LRRTM1: variants seen among roughly 807,000 people sequenced by gnomAD.
LRRTM1 encodes leucine-rich repeat transmembrane neuronal protein 1.
LRRTM1 carries 8 observed loss-of-function variants against 37.3 expected under a neutral mutation model. The ratio of observed to expected loss-of-function variants is 0.21; its 90% CI spans 0.13 to 0.39. The LOEUF (loss-of-function observed/expected upper bound fraction) is 0.39, where lower values mean the gene tolerates loss of function less well. LRRTM1 is among the 10% of genes least tolerant of loss of function. The probability of loss-of-function intolerance (pLI) is 1.00; values close to 1 mark genes in which losing one functional copy is unlikely to be tolerated. For missense variants in LRRTM1, 557 were observed against 691.0 expected (o/e 0.81, Z 2.17); for synonymous variants, 326 against 316.8 (o/e 1.03, Z -0.31).
chr2:80,300,279 GGGGTGTGT>G (rs1464958772), downstream of LRRTM1, among the ~76,000 whole-genome samples: 8,054 of 127,976 alleles, frequency 0.063, 315 homozygotes, highest in Middle Eastern at 0.16. Context: ...CTGGGGTGTT[GGGGTGTGT>G]GTGTGTGTGT....
At chr2:80,293,953 T>G (rs1036104639) in intron 2 of LRRTM1, among the ~76,000 whole-genome samples, 1 of 152,166 alleles carries the variant, frequency 6.6e-6, no homozygotes. Context: ...TGTCAAACTT[T>G]GTAACTGCAG....
chr2:80,297,745 A>G (rs1222886840), downstream of LRRTM1, among the ~76,000 whole-genome samples: 1 of 151,830 alleles, frequency 6.6e-6, no homozygotes, highest in Non-Finnish European at 1.5e-5. Context: ...AGCAGGTTAC[A>G]CTCTGCTGTG....
At chr2:80,289,101 C>T (rs548770431) in exon 3 of LRRTM1, 1 of 152,280 alleles carries the variant, frequency 6.6e-6, no homozygotes, top group East Asian at 1.9e-4. Context: ...TTCCAGAAGT[C>T]TCCATTTCAG....
At chr2:80,289,684 C>T (rs1246215643) in intron 2 of LRRTM1, among the ~76,000 whole-genome samples, 1 of 152,140 alleles carries the variant, frequency 6.6e-6, no homozygotes, top group Non-Finnish European at 1.5e-5. Context: ...AAGGCAGCCA[C>T]TGATATGACC....
At chr2:80,292,694 C>T (rs1258632289) in intron 2 of LRRTM1, among the ~76,000 whole-genome samples, 1 of 152,158 alleles carries the variant, frequency 6.6e-6, no homozygotes, top group African/African-American at 2.4e-5. Context: ...GAATGCCTCA[C>T]CTTCGCAGGT....
Position 80,301,997 on chromosome 2 carries a change from G to A in LRRTM1, c.*254C>T, listed in dbSNP as rs1433754120. 1 of 418,048 alleles carries A rather than the reference G, an allele frequency of 2.4e-6. No homozygotes were observed. The highest frequency in any genetic ancestry group is 4.2e-6 in the Non-Finnish European group (1 of 237,622). The allele number at this position is 418,048 out of a possible 1,614,324, so 25.9% of individuals were successfully genotyped here. On this transcript the variant is annotated 3_prime_UTR_variant, in exon 2 of 2. Coordinates refer to ENST00000295057, the MANE Select transcript of LRRTM1 (RefSeq NM_178839.5). ...ATGGACAGATCTTCAAAGGGAGGAA[G>A]GAGTTCTCATATGAAATTTAAGATA...
At chr2:80,289,348 T>C (rs1179314812) in intron 2 of LRRTM1, among the ~76,000 whole-genome samples, 1 of 152,218 alleles carries the variant, frequency 6.6e-6, no homozygotes, top group Non-Finnish European at 1.5e-5. Context: ...CTATTCTTCA[T>C]CCTGTTTACT....
intron 2 of LRRTM1, among the ~76,000 whole-genome samples, chr2:80,292,520 C>T (rs1675354977): frequency 6.6e-6 from 1 of 152,086 alleles, no homozygotes; most frequent in Admixed American, 6.5e-5. Flanking sequence ...ATGAGAAAAT[C>T]TTAAGGATTT....
At chr2:80,290,093 C>G (rs1675107219) in intron 2 of LRRTM1, among the ~76,000 whole-genome samples, 1 of 152,140 alleles carries the variant, frequency 6.6e-6, no homozygotes. Context: ...TTGATCCTTA[C>G]CAGATCCTTG....
intron 2 of LRRTM1, among the ~76,000 whole-genome samples, chr2:80,295,976 G>A (rs1210580716): frequency 6.6e-6 from 1 of 152,072 alleles, no homozygotes; most frequent in Non-Finnish European, 1.5e-5. Flanking sequence ...TGTTTCTAAG[G>A]ACTGAGATCA....
Position 80,303,327 on chromosome 2 carries a change from T to A in LRRTM1, c.493A>T (p.Thr165Ser). Residue 165 changes from threonine (T) to serine (S), a missense_variant, in exon 2 of 2, where the codon ACG becomes TCG. Physicochemically the swap from Thr to Ser is moderately conservative, Grantham distance 58. This residue lies in a region of LRRTM1 where 200 missense variants were observed against 249.9 expected (regional missense o/e 0.80). Coordinates refer to ENST00000295057, the MANE Select transcript of LRRTM1 (RefSeq NM_178839.5). The surrounding 1 kb of genome is among the most constrained non-coding windows in gnomAD (Gnocchi z 7.7). ...DLFHGLRKLTTLHMRANAIQF... is the reference protein window; with the variant it reads ...DLFHGLRKLTSLHMRANAIQF... Reference sequence around the variant, plus strand: ...ATGGCGTTGGCCCGCATATGCAGCGTGGTGAGCTTCCGCAGCCCGTGGAAG... The same window carrying A: ...ATGGCGTTGGCCCGCATATGCAGCGAGGTGAGCTTCCGCAGCCCGTGGAAG... 6.2e-7 allele frequency: 1 copy of A among 1,613,674 alleles called. No homozygotes were observed. Among genetic ancestry groups the A allele is most frequent in the South Asian group, 1.1e-5 (1 of 91,064 alleles).
In LRRTM1 at chr2:80,303,717, C is replaced by T. The variant is rs768898408; in HGVS notation, c.103G>A (p.Ala35Thr). Residue 35 changes from alanine to threonine, a missense_variant, in exon 2 of 2, where the codon GCC becomes ACC. Coordinates refer to ENST00000295057, the MANE Select transcript of LRRTM1 (RefSeq NM_178839.5). The surrounding 1 kb of genome is among the most constrained non-coding windows in gnomAD (Gnocchi z 7.7). ...LGACFQMLPAAPSGCPQLCRC... is the reference protein window; with the variant it reads ...LGACFQMLPATPSGCPQLCRC... ...CACAGCTGCGGGCACCCGCTGGGGG[C>T]GGCGGGCAGCATCTGAAAGCAGGCC... 6.2e-7 allele frequency: 1 copy of T among 1,606,270 alleles called. No homozygotes were observed. The highest frequency in any genetic ancestry group is 8.5e-7 in the Non-Finnish European group (1 of 1,176,270).
In LRRTM1 at chr2:80,301,935, T is replaced by A; in HGVS notation, c.*316A>T. ...AGTTTACAAAAAAAAAAAAAATCAA[T>A]GATTGGTACCTTTTTTACACTCTCA... is the stretch of plus-strand genomic sequence containing the variant. On this transcript the variant is annotated 3_prime_UTR_variant, in exon 2 of 2. Coordinates refer to ENST00000295057, the MANE Select transcript of LRRTM1 (RefSeq NM_178839.5). The A allele has an allele frequency of 4.3e-6, 1 of 232,384 alleles. No homozygotes were observed. 14.4% of individuals were successfully genotyped at this position (232,384 alleles called of 1,614,324 possible).
rs955473485 is a variant in LRRTM1, at chr2:80,302,532, T to C, written c.1288A>G (p.Thr430Ala). Residue 430 changes from threonine to alanine, a missense_variant, in exon 2 of 2, where the codon ACG becomes GCG. Around this residue, in one of 5 missense-constraint regions of LRRTM1, gnomAD observed 90 missense variants for 149.4 expected, o/e 0.60. Coordinates refer to ENST00000295057, the MANE Select transcript of LRRTM1 (RefSeq NM_178839.5). This position sits in a 1 kb window ranked among gnomAD's most constrained non-coding sequence, Gnocchi z 6.4. ...GAGAAGATGAGGGCCATGGTGCCCG[T>C]GACCACCTTGTGGATCTGCACGGCG... Reference protein sequence around the residue: ...ENAVQIHKVVTGTMALIFSFL... With the variant: ...ENAVQIHKVVAGTMALIFSFL... The C allele has an allele frequency of 6.2e-7, 1 of 1,611,572 alleles. No individual in the cohort carries two copies. The highest frequency in any genetic ancestry group is 8.5e-7 in the Non-Finnish European group (1 of 1,179,970).
rs879693637 is a variant in LRRTM1, at chr2:80,304,610, T to TGCGGGCG, written c.-525_-519dup. On this transcript the variant is annotated 5_prime_UTR_variant, in exon 1 of 2. Coordinates refer to ENST00000295057, the MANE Select transcript of LRRTM1 (RefSeq NM_178839.5). Reference sequence around the variant, plus strand: ...GCAGAGAGCGGGCTCACTCATGCTTTGCGGGCGGCGGGCGGCGGGCGGCGG... The same window carrying TGCGGGCG: ...GCAGAGAGCGGGCTCACTCATGCTTTGCGGGCGGCGGGCGGCGGGCGGCGGGCGGCGG... 0.011 allele frequency: 1,568 copies of TGCGGGCG among 148,648 alleles called. 10 individuals carry two copies. Among genetic ancestry groups the TGCGGGCG allele is most frequent in the Non-Finnish European group, 0.017 (1,124 of 66,952 alleles). 9.2% of individuals were successfully genotyped at this position (148,648 alleles called of 1,614,324 possible). A position where few individuals can be genotyped will look rare whatever the true frequency, so the allele number is the denominator to read the frequency against.
At position 80,303,018 on chromosome 2, in the gene LRRTM1, T is replaced by C; in HGVS notation, c.802A>G (p.Ile268Val). Residue 268 changes from isoleucine to valine, a missense_variant, in exon 2 of 2, where the codon ATC becomes GTC. Physicochemically the swap from Ile to Val is conservative, Grantham distance 29. Coordinates refer to ENST00000295057, the MANE Select transcript of LRRTM1 (RefSeq NM_178839.5). The surrounding 1 kb of genome is among the most constrained non-coding windows in gnomAD (Gnocchi z 7.7). ...LEKMDLSGNE[I>V]EYMEPHVFET... ...AACACATGGGGCTCCATGTACTCGA[T>C]CTCGTTGCCCGACAAGTCCATTTTC... 1 of 1,613,534 alleles carries C rather than the reference T, an allele frequency of 6.2e-7. No homozygotes were observed. Among genetic ancestry groups the C allele is most frequent in the Non-Finnish European group, 8.5e-7 (1 of 1,179,942 alleles).
chr2:80,303,920 G>T lies in LRRTM1; in HGVS notation c.-59-42C>A, dbSNP rs1316574605. On this transcript the variant is annotated intron_variant, in intron 1 of 1. Transcript: ENST00000295057. The surrounding 1 kb of genome is among the most constrained non-coding windows in gnomAD (Gnocchi z 7.7). ...TCCGAGGGAGGGGAAGCGGGGGAGG[G>T]GGAGAAAAGGGCAAAAAATCAAATA... 1.2e-5 allele frequency: 16 copies of T among 1,352,990 alleles called. No homozygotes were observed. In the East Asian group the frequency reaches 2.8e-4, roughly 23 times the overall value. 83.8% of individuals were successfully genotyped at this position (1,352,990 alleles called of 1,614,324 possible).
rs765512356 is a variant in LRRTM1, at chr2:80,303,431, T to C, written c.389A>G (p.Asn130Ser). 3.1e-6 allele frequency: 5 copies of C among 1,614,016 alleles called. No homozygotes were observed. In the South Asian group the frequency reaches 5.5e-5, roughly 18 times the overall value. Residue 130 changes from asparagine to serine, a missense_variant, in exon 2 of 2, where the codon AAC (asparagine) becomes AGC (serine). Asn to Ser is a conservative substitution (Grantham distance 46). Coordinates refer to ENST00000295057, the MANE Select transcript of LRRTM1 (RefSeq NM_178839.5). The surrounding 1 kb of genome is among the most constrained non-coding windows in gnomAD (Gnocchi z 7.7). ...GTTGGGCATGGGCCGGAAGGTGGTGTTGGGCAGTTGGGTGATCTGGTTGGA... is the reference window on the plus strand; with the variant it reads ...GTTGGGCATGGGCCGGAAGGTGGTGCTGGGCAGTTGGGTGATCTGGTTGGA... Reference protein sequence around the residue: ...LSSNQITQLPNTTFRPMPNLR... With the variant: ...LSSNQITQLPSTTFRPMPNLR...
intron 2 of LRRTM1, among the ~76,000 whole-genome samples, chr2:80,294,470 CCCTG>C (rs1479615170): frequency 2.0e-5 from 3 of 151,436 alleles, no homozygotes; most frequent in Non-Finnish European, 4.4e-5. Context: ...CCCCATGGAG[CCCTG>C]ACCCCATGGA....
Sources: gnomAD v4.1 joint callset for allele counts (sites outside exome capture counted in the v4.1 genomes callset) on GRCh38, gnomAD v4.1.1 for gene constraint, gnomAD v4.1.1 regional missense constraint, Gnocchi (gnomAD v3.1) non-coding constraint, MANE v1.5 for transcripts, NCBI Gene and HGNC (gene_info 2026-07-23, HGNC 2026-07-21) for gene names.